Variants in CDH13 observed in about 807,000 individuals in gnomAD.
CDH13 encodes the protein cadherin 13, also known as cadherin-13.
A neutral mutation model predicts 63.8 loss-of-function variants in CDH13; 24 were observed. The observed-to-expected ratio is 0.38, with a 90% CI of 0.27 to 0.53. The LOEUF (loss-of-function observed/expected upper bound fraction) is 0.53. Ranked by LOEUF, CDH13 falls within the 20% of genes least tolerant of loss-of-function variation. CDH13 has a pLI of 0.85. For synonymous variants in CDH13, 503 were observed against 355.3 expected, an observed-to-expected ratio of 1.42 and a Z score of -4.67; for missense variants, 1,049 against 903.1, an observed-to-expected ratio of 1.16 and a Z score of -2.07.
intron 3 of CDH13, among the ~76,000 whole-genome samples, chr16:83,069,836 G>A (rs1185978426): frequency 6.6e-6 from 1 of 152,162 alleles, no homozygotes; most frequent in Non-Finnish European, 1.5e-5. Context: ...AGGGCAGGCA[G>A]CAAGCAATTG....
intron 5 of CDH13, among the ~76,000 whole-genome samples, chr16:83,219,885 A>G (rs989836707): frequency 1.3e-5 from 2 of 152,188 alleles, no homozygotes; most frequent in Non-Finnish European, 2.9e-5. Context: ...TTCGGAATAA[A>G]CTGGCTTGAA....
At chr16:83,076,095 A>C (rs777787684) in intron 3 of CDH13, among the ~76,000 whole-genome samples, 2 of 152,214 alleles carry the variant, frequency 1.3e-5, no homozygotes, top group Admixed American at 1.3e-4. Context: ...CCTGATGAAC[A>C]TAAAATTGGA....
chr16:83,162,629 A>C (rs2037496032), intron 4 of CDH13, among the ~76,000 whole-genome samples: 1 of 152,138 alleles, frequency 6.6e-6, no homozygotes, highest in Non-Finnish European at 1.5e-5. Flanking sequence ...GAGGTCCTCA[A>C]ATTTCAGGTT....
chr16:82,666,379 A>G (rs950115245), intron 1 of CDH13, among the ~76,000 whole-genome samples: 2 of 152,240 alleles, frequency 1.3e-5, no homozygotes, highest in African/African-American at 2.4e-5. Context: ...TGAATCATGG[A>G]CAATGAGGCC....
chr16:82,872,074 G>C (rs1021032238), intron 2 of CDH13, among the ~76,000 whole-genome samples: 7 of 152,174 alleles, frequency 4.6e-5, no homozygotes, highest in Non-Finnish European at 5.9e-5. Context: ...AATGATGCTG[G>C]GCTGGCAAAA....
At chr16:82,919,903 A>G (rs181232309) in intron 2 of CDH13, among the ~76,000 whole-genome samples, 10 of 152,360 alleles carry the variant, frequency 6.6e-5, no homozygotes, top group African/African-American at 7.2e-5. Flanking sequence ...ATTGAAACTT[A>G]GAGTCAAATG....
chr16:82,710,578 A>AT (rs1567650057), intron 1 of CDH13, among the ~76,000 whole-genome samples: 1 of 111,604 alleles, frequency 9.0e-6, no homozygotes, highest in South Asian at 2.6e-4. Context: ...TATATATATA[A>AT]ATATATTTCT....
At chr16:83,335,947 G>T (rs942009651) in intron 5 of CDH13, among the ~76,000 whole-genome samples, 1 of 151,974 alleles carries the variant, frequency 6.6e-6, no homozygotes, top group Non-Finnish European at 1.5e-5. Context: ...CTTTAACTCG[G>T]TGTCTGAGGA....
At chr16:83,727,153 C>A (rs1910507421) in intron 10 of CDH13, among the ~76,000 whole-genome samples, 1 of 152,088 alleles carries the variant, frequency 6.6e-6, no homozygotes, top group Admixed American at 6.5e-5. Context: ...TAAAGAGAAG[C>A]CCCATCCCCC....
chr16:82,697,034 C>G (rs1454955076), intron 1 of CDH13, among the ~76,000 whole-genome samples: 1 of 152,082 alleles, frequency 6.6e-6, no homozygotes, highest in African/African-American at 2.4e-5. Flanking sequence ...GAGAGAAAAC[C>G]AAGGAAGGAA....
intron 6 of CDH13, among the ~76,000 whole-genome samples, chr16:83,472,991 ACT>A (rs1285535540): frequency 6.6e-6 from 1 of 151,862 alleles, no homozygotes; most frequent in Non-Finnish European, 1.5e-5. Flanking sequence ...AATGGAAATG[ACT>A]CTCCAGTTCC....
chr16:83,683,319 T>C (rs1915556110), intron 10 of CDH13, among the ~76,000 whole-genome samples: 1 of 152,252 alleles, frequency 6.6e-6, no homozygotes, highest in African/African-American at 2.4e-5. Context: ...TAAGATAGTT[T>C]CTGGAAGAAA....
At chr16:83,052,259 G>C (rs1277522414) in intron 3 of CDH13, among the ~76,000 whole-genome samples, 1 of 152,072 alleles carries the variant, frequency 6.6e-6, no homozygotes, top group Non-Finnish European at 1.5e-5. Flanking sequence ...CAAGGTTTTT[G>C]AATGCATTGT....
intron 6 of CDH13, among the ~76,000 whole-genome samples, chr16:83,384,417 G>A (rs900894876): frequency 6.6e-6 from 1 of 152,142 alleles, no homozygotes; most frequent in African/African-American, 2.4e-5. Context: ...GACTACCGAG[G>A]CGAATTTATG....
At chr16:83,511,664 C>G (rs1046241639) in intron 7 of CDH13, among the ~76,000 whole-genome samples, 14 of 152,080 alleles carry the variant, frequency 9.2e-5, no homozygotes, top group African/African-American at 3.1e-4. Flanking sequence ...ATGAGCATCA[C>G]ACAGGTTAAT....
chr16:83,701,860 C>T (rs1461959416), intron 10 of CDH13, among the ~76,000 whole-genome samples: 1 of 152,170 alleles, frequency 6.6e-6, no homozygotes, highest in African/African-American at 2.4e-5. Context: ...AGCTGCCTGG[C>T]TAATGTCTGC....
At chr16:82,708,793 A>G (rs886947893) in intron 1 of CDH13, among the ~76,000 whole-genome samples, 7 of 152,202 alleles carry the variant, frequency 4.6e-5, no homozygotes, top group African/African-American at 1.7e-4. Flanking sequence ...ACCCCTCCCC[A>G]GACTGACCCA....
At chr16:83,240,959 C>A (rs1597580243) in intron 5 of CDH13, among the ~76,000 whole-genome samples, 1 of 152,058 alleles carries the variant, frequency 6.6e-6, no homozygotes, top group African/African-American at 2.4e-5. Flanking sequence ...AATAGTAAAA[C>A]TTTATACCCA....
At chr16:83,212,816 G>C (rs1487108998) in intron 4 of CDH13, among the ~76,000 whole-genome samples, 2 of 152,198 alleles carry the variant, frequency 1.3e-5, no homozygotes, top group African/African-American at 4.8e-5. Context: ...GATACAAGAG[G>C]CTTGGGGGAA....
Sources: allele counts gnomAD v4.1 joint callset (sites outside exome capture counted in the v4.1 genomes callset), GRCh38; gene constraint gnomAD v4.1.1; transcripts MANE v1.5; gene names NCBI Gene and HGNC (gene_info 2026-07-23, HGNC 2026-07-21).